The following MGMT variants were observed in gnomAD, a reference collection of about 807,000 sequenced individuals.
MGMT encodes O-6-methylguanine-DNA methyltransferase, also known as methylated-DNA--protein-cysteine methyltransferase.
Under a neutral mutation model 15.9 loss-of-function variants are expected in MGMT, and 14 were observed. The observed-to-expected ratio is 0.88, with a 90% CI of 0.58 to 1.37. The LOEUF (loss-of-function observed/expected upper bound fraction) is 1.37, where lower values mean the gene tolerates loss of function less well. Ranked by LOEUF, MGMT falls within the 40% of genes most tolerant of loss-of-function variation. The pLI, the probability that MGMT is intolerant of heterozygous loss-of-function variation, is 0.00. For missense variants in MGMT, 282 were observed against 268.1 expected (o/e 1.05, Z -0.36); for synonymous variants, 130 against 118.2 (o/e 1.10, Z -0.65).
At chr10:129,638,302 A>T (rs987974363) in intron 2 of MGMT, among the ~76,000 whole-genome samples, 3 of 152,006 alleles carry the variant, frequency 2.0e-5, no homozygotes, top group African/African-American at 7.3e-5. Context: ...CAAAAAACAG[A>T]TGGATGTCTC....
At chr10:129,511,746 A>C (rs1307395800) in intron 1 of MGMT, among the ~76,000 whole-genome samples, 2 of 152,188 alleles carry the variant, frequency 1.3e-5, no homozygotes, top group African/African-American at 4.8e-5. Flanking sequence ...AGAGCCCTAG[A>C]TCCCATTAGA....
At chr10:129,652,083 C>G (rs974100037) in intron 2 of MGMT, among the ~76,000 whole-genome samples, 1 of 151,984 alleles carries the variant, frequency 6.6e-6, no homozygotes, top group African/African-American at 2.4e-5. Flanking sequence ...TTTGTGGGAT[C>G]GTGTGTAGGA....
chr10:129,753,424 T>C (rs1848771400), intron 3 of MGMT, among the ~76,000 whole-genome samples: 1 of 152,210 alleles, frequency 6.6e-6, no homozygotes, highest in Admixed American at 6.5e-5. Context: ...TACTACACTT[T>C]TTTTCCTCTT....
chr10:129,741,034 C>T (rs543972647), intron 3 of MGMT, among the ~76,000 whole-genome samples: 3 of 152,272 alleles, frequency 2.0e-5, no homozygotes, highest in South Asian at 2.1e-4. Context: ...CCTTGCACCA[C>T]GTACAGCTTT....
At chr10:129,622,432 G>T (rs1288147367) in intron 2 of MGMT, among the ~76,000 whole-genome samples, 1 of 152,184 alleles carries the variant, frequency 6.6e-6, no homozygotes, top group East Asian at 1.9e-4. Flanking sequence ...GCTGTCAGTG[G>T]CATGATCTGT....
intron 3 of MGMT, among the ~76,000 whole-genome samples, chr10:129,734,335 GTTCACTCATGAT>G (rs1178591303): frequency 1.4e-5 from 2 of 139,936 alleles, no homozygotes; most frequent in East Asian, 4.9e-4. Flanking sequence ...GTGAATGGGA[GTTCACTCATGAT>G]TTGGCTCTCT....
chr10:129,475,206 C>T (rs1845277040), intron 1 of MGMT, among the ~76,000 whole-genome samples: 2 of 151,868 alleles, frequency 1.3e-5, no homozygotes, highest in South Asian at 4.1e-4. Context: ...CTATGAGGGT[C>T]ACGGGGTGGG....
At position 129,673,063 on chromosome 10, in the gene MGMT, G is replaced by C. The variant is rs550610190; in HGVS notation, c.126-34832G>C. ...GACAGCTCACTTTTACTCCTACAAG[G>C]TGGCCATTCAGATTCTTCCCCCAAG... On this transcript the variant is annotated intron_variant, in intron 2 of 4. Transcript: ENST00000651593. 2.6e-5 allele frequency among the ~76,000 whole-genome samples: 4 copies of C among 152,246 alleles called. No individual in the cohort carries two copies. The East Asian group carries it at 7.7e-4, about 29-fold the overall frequency.
intron 2 of MGMT, among the ~76,000 whole-genome samples, chr10:129,593,267 G>A (rs570619881): frequency 3.3e-5 from 5 of 152,328 alleles, no homozygotes; most frequent in South Asian, 2.1e-4. Flanking sequence ...AAGTCATGAC[G>A]GTGGGTGAAA....
chr10:129,475,647 C>A (rs529942188), intron 1 of MGMT, among the ~76,000 whole-genome samples: 2 of 152,112 alleles, frequency 1.3e-5, no homozygotes, highest in Non-Finnish European at 1.5e-5. Flanking sequence ...GGGTGCGGGC[C>A]GATCAGCACA....
chr10:129,765,780 C>T (rs1164504913), intron 4 of MGMT, among the ~76,000 whole-genome samples: 1 of 152,164 alleles, frequency 6.6e-6, no homozygotes, highest in Non-Finnish European at 1.5e-5. Context: ...CTCTCTTCCT[C>T]CCTTGTCGGT....
intron 2 of MGMT, among the ~76,000 whole-genome samples, chr10:129,601,640 G>C (rs1272838869): frequency 1.3e-5 from 2 of 152,162 alleles, no homozygotes; most frequent in African/African-American, 4.8e-5. Context: ...ATCCAACCAT[G>C]GGAGCTAGTG....
intron 2 of MGMT, among the ~76,000 whole-genome samples, chr10:129,675,799 C>T (rs553966755): frequency 9.9e-5 from 15 of 152,282 alleles, no homozygotes; most frequent in Admixed American, 3.9e-4. Flanking sequence ...GGGAGCAGGC[C>T]GTGGTGACAG....
chr10:129,681,660 A>G (rs1847854019), intron 2 of MGMT, among the ~76,000 whole-genome samples: 1 of 152,138 alleles, frequency 6.6e-6, no homozygotes, highest in South Asian at 2.1e-4. Flanking sequence ...CCAAATGTGG[A>G]TGGAAATATA....
intron 2 of MGMT, among the ~76,000 whole-genome samples, chr10:129,547,055 AAC>A (rs1846105284): frequency 6.6e-6 from 1 of 152,192 alleles, no homozygotes; most frequent in African/African-American, 2.4e-5. Flanking sequence ...CCTCCGCAGA[AAC>A]ACAGTTTATC....
chr10:129,649,020 TCTC>T (rs1239312530), intron 2 of MGMT, among the ~76,000 whole-genome samples: 1 of 152,196 alleles, frequency 6.6e-6, no homozygotes, highest in Non-Finnish European at 1.5e-5. Context: ...TCCTGATGGC[TCTC>T]CTCTGCCTTT....
At chr10:129,565,645 G>A (rs191996812) in intron 2 of MGMT, among the ~76,000 whole-genome samples, 12 of 152,186 alleles carry the variant, frequency 7.9e-5, no homozygotes, top group African/African-American at 1.9e-4. Context: ...AACAGGAGCC[G>A]CGTGAAAGTC....
At chr10:129,697,396 C>A (rs1848044493) in intron 2 of MGMT, among the ~76,000 whole-genome samples, 1 of 152,134 alleles carries the variant, frequency 6.6e-6, no homozygotes, top group Non-Finnish European at 1.5e-5. Context: ...CGGAGATGCC[C>A]CAGACTAAGG....
rs1846355799 is a variant in MGMT, at chr10:129,566,497, T to G, written c.125+30120T>G. Among the ~76,000 whole-genome samples, 1 of 152,154 alleles carries G rather than the reference T, an allele frequency of 6.6e-6. No individual in the cohort carries two copies. Among genetic ancestry groups the G allele is most frequent in the Admixed American group, 6.5e-5 (1 of 15,274 alleles). On this transcript the variant is annotated intron_variant, in intron 2 of 4. Coordinates refer to ENST00000651593, the MANE Select transcript of MGMT (RefSeq NM_002412.5). The surrounding 1 kb of genome is among the most constrained non-coding windows in gnomAD (Gnocchi z 4.1). ...AGGATGATGCCTATCCAGAGCTCAT[T>G]GTCCTCTCCCACTTCCTCCCCGAGC...
Sources: allele counts gnomAD v4.1 joint callset (sites outside exome capture counted in the v4.1 genomes callset), GRCh38; gene constraint gnomAD v4.1.1; non-coding constraint Gnocchi (gnomAD v3.1); transcripts MANE v1.5; gene names NCBI Gene and HGNC (gene_info 2026-07-23, HGNC 2026-07-21).